Variants in ASB11 observed in about 807,000 individuals in gnomAD.
ASB11 encodes the protein ankyrin repeat and SOCS box containing 11.
In ASB11, 17 loss-of-function variants were observed where a neutral mutation model predicts 20.1. The ratio of observed to expected loss-of-function variants is 0.85; its 90% CI spans 0.58 to 1.27. The LOEUF is 1.27. Ranked by LOEUF, ASB11 falls within the 50% of genes most tolerant of loss-of-function variation. The pLI, the probability that ASB11 is intolerant of heterozygous loss-of-function variation, is 0.00. For synonymous variants in ASB11, 107 were observed against 105.6 expected (o/e 1.01, Z -0.08); for missense variants, 259 against 256.9 (o/e 1.01, Z -0.06).
intron 1 of ASB11, among the ~76,000 whole-genome samples, chrX:15,305,456 T>C (rs780929809): frequency 1.2e-4 from 13 of 111,751 alleles, no homozygotes; most frequent in Admixed American, 2.9e-4. Context: ...ATCCTTTTGC[T>C]ATAAAGGACA....
At chrX:15,284,238 C>A (rs774997800) in intron 6 of ASB11, among the ~76,000 whole-genome samples, 1 of 86,855 alleles carries the variant, frequency 1.2e-5, no homozygotes, top group Non-Finnish European at 2.1e-5. Context: ...GGCGACAGAG[C>A]GAGACTCCGC....
At chrX:15,310,487 T>C (rs1450057434) in intron 1 of ASB11, among the ~76,000 whole-genome samples, 1 of 112,138 alleles carries the variant, frequency 8.9e-6, no homozygotes, top group African/African-American at 3.2e-5. Context: ...CCTTTGAATT[T>C]TTCTCAGAAT....
At chrX:15,298,340 T>TTTCCTGTTGC (rs1380849592) in intron 2 of ASB11, among the ~76,000 whole-genome samples, 1 of 110,938 alleles carries the variant, frequency 9.0e-6, no homozygotes. Context: ...CAGGAAGTTA[T>TTTCCTGTTGC]TTCCTGTTGC....
At chrX:15,296,555 GC>G (rs1920966924) in intron 3 of ASB11, among the ~76,000 whole-genome samples, 1 of 111,546 alleles carries the variant, frequency 9.0e-6, no homozygotes, top group Non-Finnish European at 1.9e-5. Flanking sequence ...ATTATATATT[GC>G]ACCTCAGTCA....
intron 2 of ASB11, among the ~76,000 whole-genome samples, chrX:15,301,528 C>CAG (rs1353128536): frequency 3.7e-5 from 4 of 108,029 alleles, no homozygotes; most frequent in African/African-American, 1.4e-4. Flanking sequence ...GAGAGAGAGA[C>CAG]AGAGAGAGAG....
Position 15,287,946 on chromosome X carries a change from C to T in ASB11, c.782G>A (p.Gly261Asp), listed in dbSNP as rs1411982868. ...AGCCGCCAGATCAAGCGCACTTTTG[C>T]CCTGAGCATTTCTACGCTTCAGGTT... ...GANLKRRNAQ[G>D]KSALDLAAPK... Residue 261 changes from glycine to aspartate, a missense_variant, in exon 6 of 7, where the codon GGC becomes GAC. Transcript: ENST00000480796. The T allele has an allele frequency of 8.3e-7, 1 of 1,211,770 alleles. No homozygotes were observed. Among genetic ancestry groups the T allele is most frequent in the East Asian group, 3.0e-5 (1 of 33,817 alleles).
At chrX:15,314,390 T>G in intron 1 of ASB11, 2 of 1,182,316 alleles carry the variant, frequency 1.7e-6, no homozygotes, top group Non-Finnish European at 2.3e-6. Context: ...GTGTGACAAA[T>G]ATAATCCCCA....
rs753456497 is a variant in ASB11, at chrX:15,289,746, G to A, written c.521-108C>T. The A allele has an allele frequency of 1.1e-4, 100 of 924,725 alleles. 1 individual carries two copies. Among genetic ancestry groups the A allele is most frequent in the Non-Finnish European group, 1.4e-4 (95 of 671,244 alleles). The allele number at this position is 924,725 out of a possible 1,213,427, so 76.2% of individuals were successfully genotyped here. A position where few individuals can be genotyped will look rare whatever the true frequency, so the allele number is the denominator to read the frequency against. ...GCTTTAGAAATAACCTAGGTTGGCC[G>A]GGTGTGGTGGCTCACGCCTGTAATC... is the stretch of plus-strand genomic sequence containing the variant. On this transcript the variant is annotated intron_variant, in intron 4 of 6. Coordinates refer to ENST00000480796, the MANE Select transcript of ASB11 (RefSeq NM_080873.3).
chrX:15,289,401 G>T, intron 5 of ASB11, 103 bp downstream of exon 5: 38 of 895,856 alleles, frequency 4.2e-5, no homozygotes, highest in Non-Finnish European at 4.4e-5. Flanking sequence ...AACATAAAAT[G>T]CTAACCGAAT....
intron 1 of ASB11, among the ~76,000 whole-genome samples, chrX:15,312,417 C>CACAA (rs1555942363): frequency 4.2e-5 from 1 of 23,614 alleles, no homozygotes; most frequent in African/African-American, 1.7e-4. Flanking sequence ...GCCCACTGCA[C>CACAA]AAAAAAAAAA....
intron 6 of ASB11, among the ~76,000 whole-genome samples, 169 bp from the exon 7 acceptor site, chrX:15,283,798 C>G (rs190258709): frequency 9.0e-6 from 1 of 111,517 alleles, no homozygotes; most frequent in East Asian, 2.8e-4. Context: ...ACAGCAGATC[C>G]TGATTTGCCC....
chrX:15,289,602 T>G lies in ASB11; in HGVS notation c.557A>C (p.Asn186Thr), dbSNP rs1340983022. 2 of 1,210,707 alleles carry G rather than the reference T, an allele frequency of 1.7e-6. No homozygotes were observed. Among genetic ancestry groups the G allele is most frequent in the Non-Finnish European group, 2.2e-6 (2 of 894,603 alleles). The change falls in exon 5 of 7, where the codon AAT (asparagine) becomes ACT (threonine). Residue 186 changes from asparagine to threonine, a missense_variant. Physicochemically the swap from Asn to Thr is moderately conservative, Grantham distance 65 (BLOSUM62 0). Transcript: ENST00000480796. ...RECMEILLAN[N>T]VNIDHEVPQL... ...AGGCACCTCATGGTCAATGTTAACA[T>G]TATTTGCCAGCAGGATCTCCATGCA...
chrX:15,283,533 G>T lies in ASB11; in HGVS notation c.944C>A (p.Pro315Gln). Residue 315 changes from proline (P) to glutamine (Q), a missense_variant, in exon 7 of 7, where the codon CCA becomes CAA. Transcript: ENST00000480796. ...TTGGTATAGGAGGAATCGTTCGAGTGGCTCTGGCAGATGTAGCTTGTGGAT... is the reference window on the plus strand; with the variant it reads ...TTGGTATAGGAGGAATCGTTCGAGTTGCTCTGGCAGATGTAGCTTGTGGAT... Reference protein sequence around the residue: ...QAIHKLHLPEPLERFLLYQ With the variant: ...QAIHKLHLPEQLERFLLYQ 2 of 1,211,118 alleles carry T rather than the reference G, an allele frequency of 1.7e-6. No individual in the cohort carries two copies. The highest frequency in any genetic ancestry group is 2.2e-6 in the Non-Finnish European group (2 of 894,987).
In ASB11 at chrX:15,290,414, G is replaced by C. The variant is rs1927503745; in HGVS notation, c.521-776C>G. 2.7e-5 allele frequency among the ~76,000 whole-genome samples: 3 copies of C among 111,938 alleles called. No homozygotes were observed. In the South Asian group the frequency reaches 1.1e-3, roughly 42 times the overall value. Reference sequence around the variant, plus strand: ...TCCATGCATGTGAGATTGGATATATGGCCTGCAACAGTACTTTGGTTAGTC... The same window carrying C: ...TCCATGCATGTGAGATTGGATATATCGCCTGCAACAGTACTTTGGTTAGTC... On this transcript the variant is annotated intron_variant, in intron 4 of 6. Transcript: ENST00000480796.
intron 6 of ASB11, among the ~76,000 whole-genome samples, chrX:15,284,635 G>A (rs1168296728): frequency 8.9e-6 from 1 of 111,835 alleles, no homozygotes. Flanking sequence ...GACTCTCAAG[G>A]AGTCTCACAG....
chrX:15,299,590 T>C (rs376028460), intron 2 of ASB11, among the ~76,000 whole-genome samples: 3 of 111,203 alleles, frequency 2.7e-5, no homozygotes, highest in African/African-American at 9.8e-5. Flanking sequence ...TGGTCATCTT[T>C]TCCTGAGTTC....
chrX:15,284,388 C>G (rs1251526269), intron 6 of ASB11, among the ~76,000 whole-genome samples: 1 of 111,048 alleles, frequency 9.0e-6, no homozygotes, highest in South Asian at 3.8e-4. Flanking sequence ...AGGGTGTCAG[C>G]GGGAAGTTCC....
chrX:15,287,751 G>A, intron 6 of ASB11, 130 bp downstream of exon 6: 1 of 763,477 alleles, frequency 1.3e-6, no homozygotes, highest in South Asian at 3.0e-5. Flanking sequence ...GTGACGGCAG[G>A]GCCTATCACC....
chrX:15,315,123 A>G (rs768324026), intron 1 of ASB11, among the ~76,000 whole-genome samples: 1 of 112,309 alleles, frequency 8.9e-6, no homozygotes, highest in Admixed American at 9.5e-5. Context: ...GAAAATAATT[A>G]TATACAAGTA....
Sources: gnomAD v4.1 joint callset for allele counts (sites outside exome capture counted in the v4.1 genomes callset) on GRCh38, gnomAD v4.1.1 for gene constraint, MANE v1.5 for transcripts, NCBI Gene and HGNC (gene_info 2026-07-23, HGNC 2026-07-21) for gene names.